Variants in THRB observed in about 807,000 individuals in gnomAD.
THRB encodes the protein nuclear receptor subfamily 1 group A member 2.
In THRB, 12 loss-of-function variants were observed where a neutral mutation model predicts 47.8. The observed-to-expected ratio is 0.25, with a 90% CI of 0.16 to 0.41. The LOEUF (loss-of-function observed/expected upper bound fraction) is 0.41. Among genes scored for constraint, THRB ranks in the 10% least tolerant of loss-of-function variants. The pLI is 1.00. For missense variants in THRB, 348 were observed against 589.2 expected (o/e 0.59, Z 4.24); for synonymous variants, 218 against 212.2 (o/e 1.03, Z -0.24).
chr3:24,362,900 G>T (rs186697508), intron 1 of THRB, among the ~76,000 whole-genome samples: 2 of 152,062 alleles, frequency 1.3e-5, no homozygotes, highest in African/African-American at 4.8e-5. Context: ...TTAACACTTC[G>T]GGCCTTACTT....
At chr3:24,177,645 G>A (rs544823744) in intron 5 of THRB, among the ~76,000 whole-genome samples, 6 of 152,292 alleles carry the variant, frequency 3.9e-5, no homozygotes, top group East Asian at 3.9e-4. Context: ...CAGAGGAAGC[G>A]ATGTCTGAAT....
chr3:24,177,080 T>C (rs1274413208), intron 5 of THRB, among the ~76,000 whole-genome samples: 1 of 152,186 alleles, frequency 6.6e-6, no homozygotes, highest in African/African-American at 2.4e-5. Context: ...CTCCCAGATC[T>C]AATGGAGATA....
chr3:24,264,894 TG>T (rs2052486633), intron 3 of THRB, among the ~76,000 whole-genome samples: 1 of 151,236 alleles, frequency 6.6e-6, no homozygotes, highest in African/African-American at 2.4e-5. Context: ...GAACCGTAGG[TG>T]GGTGGAAGGG....
At chr3:24,168,826 G>T (rs2040033476) in intron 5 of THRB, among the ~76,000 whole-genome samples, 1 of 151,614 alleles carries the variant, frequency 6.6e-6, no homozygotes, top group Non-Finnish European at 1.5e-5. Flanking sequence ...AAGGAGGCAC[G>T]CTAGGAAAGA....
At chr3:24,488,008 A>G (rs1412308504) in intron 1 of THRB, among the ~76,000 whole-genome samples, 5 of 152,234 alleles carry the variant, frequency 3.3e-5, no homozygotes, top group Non-Finnish European at 7.3e-5. Flanking sequence ...CACAAGAGTT[A>G]CAATACTCAA....
Position 24,281,641 on chromosome 3 carries a change from A to G in THRB, c.-43+15585T>C, listed in dbSNP as rs568088201. On this transcript the variant is annotated intron_variant, in intron 3 of 10. Coordinates refer to ENST00000646209, the MANE Select transcript of THRB (RefSeq NM_001354712.2). ...TCCAATTAAAAGACACAGACTGGCGAAATGGATAAAGAGTCAAGACCCATC... is the reference window on the plus strand; with the variant it reads ...TCCAATTAAAAGACACAGACTGGCGGAATGGATAAAGAGTCAAGACCCATC... Among the ~76,000 whole-genome samples the G allele has an allele frequency of 3.8e-4, 28 of 72,958 alleles. 8 individuals carry two copies. In the East Asian group the frequency reaches 0.014, roughly 37 times the overall value. 47.9% of individuals were successfully genotyped at this position (72,958 alleles called of 152,430 possible).
rs141586521 is a variant in THRB, at chr3:24,397,417, T to C, written c.-260-60046A>G. ...AGACTCATAACATAAAACTCCATCA[T>C]CCATCAGCACATACCTAAAAAACGT... On this transcript the variant is annotated intron_variant, in intron 1 of 10. Coordinates refer to ENST00000646209, the MANE Select transcript of THRB (RefSeq NM_001354712.2). Among the ~76,000 whole-genome samples, 98 of 152,210 alleles carry C rather than the reference T, an allele frequency of 6.4e-4. 1 individual carries two copies. The highest frequency in any genetic ancestry group is 2.3e-3 in the African/African-American group (97 of 41,554).
intron 1 of THRB, among the ~76,000 whole-genome samples, chr3:24,400,894 C>A (rs192081255): frequency 6.6e-6 from 1 of 152,152 alleles, no homozygotes; most frequent in Non-Finnish European, 1.5e-5. Flanking sequence ...CAACTTCATG[C>A]TCTGTAAGTA....
At chr3:24,470,239 G>A (rs571962853) in intron 1 of THRB, among the ~76,000 whole-genome samples, 12 of 152,162 alleles carry the variant, frequency 7.9e-5, no homozygotes, top group Non-Finnish European at 1.2e-4. Context: ...AACAATTTAT[G>A]AGAAACAAAT....
In THRB at chr3:24,282,042, C is replaced by A. The variant is rs530696579; in HGVS notation, c.-43+15184G>T. 6.8e-3 allele frequency among the ~76,000 whole-genome samples: 875 copies of A among 128,946 alleles called. 51 individuals carry two copies. The highest frequency in any genetic ancestry group is 0.058 in the Admixed American group (759 of 13,148). The allele number at this position is 128,946 out of a possible 152,430, so 84.6% of individuals were successfully genotyped here. On this transcript the variant is annotated intron_variant, in intron 3 of 10. Coordinates refer to ENST00000646209, the MANE Select transcript of THRB (RefSeq NM_001354712.2). Reference sequence around the variant, plus strand: ...ACAGATCAACGAGACAGAAAGTCAACAAGGATACCCAGGAATTGAACTCAG... The same window carrying A: ...ACAGATCAACGAGACAGAAAGTCAAAAAGGATACCCAGGAATTGAACTCAG...
chr3:24,244,593 C>G (rs2049919588), intron 3 of THRB, among the ~76,000 whole-genome samples: 1 of 152,144 alleles, frequency 6.6e-6, no homozygotes, highest in African/African-American at 2.4e-5. Context: ...TTTTGGAAAA[C>G]AAGCAGCTAC....
At chr3:24,268,304 G>A (rs1256732100) in intron 3 of THRB, among the ~76,000 whole-genome samples, 1 of 152,162 alleles carries the variant, frequency 6.6e-6, no homozygotes, top group African/African-American at 2.4e-5. Flanking sequence ...GGTGAAATTA[G>A]AATGCAAATG....
chr3:24,445,716 T>C (rs55806366), intron 1 of THRB, among the ~76,000 whole-genome samples: 389 of 152,202 alleles, frequency 2.6e-3, no homozygotes, highest in Admixed American at 4.3e-3. Context: ...TGAAGAATCA[T>C]AAAAACGTCC....
At chr3:24,157,287 G>A (rs943694811) in intron 5 of THRB, among the ~76,000 whole-genome samples, 5 of 151,952 alleles carry the variant, frequency 3.3e-5, no homozygotes, top group South Asian at 4.1e-4. Context: ...CCCTGGTGTT[G>A]GGGGACAGCA....
rs1281868679 is a variant in THRB, at chr3:24,297,267, G to A, written c.-84C>T. Reference sequence around the variant, plus strand: ...TACTGCTAACCTCTTTGAATAACAGGCTTTCAGTCTTCAAGACGTTTGTTT... The same window carrying A: ...TACTGCTAACCTCTTTGAATAACAGACTTTCAGTCTTCAAGACGTTTGTTT... On this transcript the variant is annotated 5_prime_UTR_variant, in exon 3 of 11. Transcript: ENST00000646209. 1 of 152,174 alleles carries A rather than the reference G, an allele frequency of 6.6e-6. No homozygotes were observed. The highest frequency in any genetic ancestry group is 1.5e-5 in the Non-Finnish European group (1 of 68,038). 9.4% of individuals were successfully genotyped at this position (152,174 alleles called of 1,614,324 possible). A position where few individuals can be genotyped will look rare whatever the true frequency, so the allele number is the denominator to read the frequency against.
At position 24,482,350 on chromosome 3, in the gene THRB, T is replaced by C. The variant is rs55661339; in HGVS notation, c.-261+12302A>G. Reference sequence around the variant, plus strand: ...ACCAACATTCTTTCCCTTGCACAGATAGAGTGATTGAAGTTCAAAGAGATT... The same window carrying C: ...ACCAACATTCTTTCCCTTGCACAGACAGAGTGATTGAAGTTCAAAGAGATT... On this transcript the variant is annotated intron_variant, in intron 1 of 10. Coordinates refer to ENST00000646209, the MANE Select transcript of THRB (RefSeq NM_001354712.2). Among the ~76,000 whole-genome samples, 750 of 152,320 alleles carry C rather than the reference T, an allele frequency of 4.9e-3. 8 individuals are homozygous for C. Among genetic ancestry groups the C allele is most frequent in the African/African-American group, 0.017 (718 of 41,576 alleles).
chr3:24,489,045 G>T (rs541247980), intron 1 of THRB, among the ~76,000 whole-genome samples: 3 of 152,204 alleles, frequency 2.0e-5, no homozygotes, highest in African/African-American at 7.2e-5. Context: ...CACGAGGTCA[G>T]GAGATCGAGA....
At chr3:24,455,130 T>C (rs1298736124) in intron 1 of THRB, 4 of 146,456 alleles carry the variant, frequency 2.7e-5, no homozygotes, top group Non-Finnish European at 6.0e-5. Flanking sequence ...TTTTTTTTTT[T>C]TTTTTAAGGC....
At chr3:24,390,793 A>AT (rs1275999988) in intron 1 of THRB, among the ~76,000 whole-genome samples, 54 of 63,058 alleles carry the variant, frequency 8.6e-4, no homozygotes, top group Non-Finnish European at 1.3e-3. Flanking sequence ...GTAAAAAAAA[A>AT]AAAAATATAT....
Sources: gnomAD v4.1 joint callset for allele counts (sites outside exome capture counted in the v4.1 genomes callset) on GRCh38, gnomAD v4.1.1 for gene constraint, MANE v1.5 for transcripts, NCBI Gene and HGNC (gene_info 2026-07-23, HGNC 2026-07-21) for gene names.